Variants in CFAP77 observed in about 807,000 individuals in gnomAD.
The protein encoded by CFAP77 is cilia and flagella associated protein 77.
CFAP77 carries 25 observed loss-of-function variants against 31.1 expected under a neutral mutation model. The observed-to-expected ratio is 0.80, with a 90% confidence interval of 0.59 to 1.12. CFAP77 has a LOEUF of 1.12. Among genes scored for constraint, CFAP77 ranks in the 50% most tolerant of loss-of-function variants. The pLI, the probability that CFAP77 is intolerant of heterozygous loss-of-function variation, is 0.00. For synonymous variants in CFAP77, 151 were observed against 159.9 expected (o/e 0.94, Z 0.42); for missense variants, 377 against 397.3 (o/e 0.95, Z 0.44).
At position 132,573,116 on chromosome 9, in the gene CFAP77, C is replaced by T. The variant is rs1829985566; in HGVS notation, c.*606C>T. ...CAATCAAGCAGGCCAAGTTGGACTC[C>T]TCCCCCAGGACTGACTTTGGAAGGT... On this transcript the variant is annotated 3_prime_UTR_variant, in exon 6 of 6. Transcript: ENST00000393216. 1.3e-5 allele frequency: 2 copies of T among 152,342 alleles called. No individual in the cohort carries two copies. The highest frequency in any genetic ancestry group is 4.8e-5 in the African/African-American group (2 of 41,434). The allele number at this position is 152,342 out of a possible 1,614,324, so 9.4% of individuals were successfully genotyped here.
Position 132,572,449 on chromosome 9 carries a change from AC to A in CFAP77, c.796del (p.Arg266GlyfsTer31). 6.2e-7 allele frequency: 1 copy of A among 1,612,316 alleles called. No homozygotes were observed. On this transcript the variant is annotated frameshift_variant, in exon 6 of 6. Transcript: ENST00000393216. LOFTEE classifies it high-confidence loss of function. ...GATCGCCAGAGAGCATTAAAAGCCCACCGGGAAGAGTGTGCCGTGCGCCAGG... is the reference window on the plus strand; with the variant it reads ...GATCGCCAGAGAGCATTAAAAGCCCACGGGAAGAGTGTGCCGTGCGCCAGG... ...EADRQRALKA[H>X]REECAVRQGT...
chr9:132,546,553 C>T (rs1852734054), intron 5 of CFAP77, among the ~76,000 whole-genome samples: 1 of 152,368 alleles, frequency 6.6e-6, no homozygotes, highest in Admixed American at 6.5e-5. Flanking sequence ...GCGGCTGCTG[C>T]ACCGACACCG....
rs375930671 is a variant in CFAP77 at position 132,459,197 on chromosome 9, G to A, written c.196-39498G>A. 1.8e-4 allele frequency among the ~76,000 whole-genome samples: 28 copies of A among 151,576 alleles called. No individual in the cohort carries two copies. The East Asian group carries it at 2.1e-3, about 12-fold the overall frequency. ...TGCCATTCTCCTGCCTCAGCCTCCCGAGTAGCTGGGACTACAGGCGCCCGC... is the reference window on the plus strand; with the variant it reads ...TGCCATTCTCCTGCCTCAGCCTCCCAAGTAGCTGGGACTACAGGCGCCCGC... On this transcript the variant is annotated intron_variant, in intron 1 of 5. Coordinates refer to ENST00000393216, the MANE Select transcript of CFAP77 (RefSeq NM_001282957.2).
At chr9:132,534,818 G>A (rs1219743694) in intron 3 of CFAP77, among the ~76,000 whole-genome samples, 1 of 152,126 alleles carries the variant, frequency 6.6e-6, no homozygotes, top group Non-Finnish European at 1.5e-5. Flanking sequence ...TATAGAGAGT[G>A]CTGTATGATG....
intron 1 of CFAP77, among the ~76,000 whole-genome samples, chr9:132,422,528 T>G (rs971266414): frequency 1.3e-5 from 2 of 152,126 alleles, no homozygotes; most frequent in South Asian, 2.1e-4. Context: ...CGCGTTCACA[T>G]GAGCAATGGG....
chr9:132,532,049 C>T (rs563526298), intron 3 of CFAP77, among the ~76,000 whole-genome samples: 13 of 152,324 alleles, frequency 8.5e-5, no homozygotes, highest in Admixed American at 2.0e-4. Context: ...TTAGGCTGCT[C>T]AGAAGCATGG....
intron 1 of CFAP77, among the ~76,000 whole-genome samples, chr9:132,446,537 G>A (rs541513301): frequency 1.5e-4 from 23 of 151,940 alleles, no homozygotes; most frequent in East Asian, 1.9e-4. Flanking sequence ...TCAGGAGATC[G>A]AGACCATCCT....
chr9:132,417,586 C>T (rs1292635109), intron 1 of CFAP77, among the ~76,000 whole-genome samples: 1 of 152,204 alleles, frequency 6.6e-6, no homozygotes, highest in Admixed American at 6.5e-5. Flanking sequence ...CTGGCTCTGC[C>T]ACCCACGAGA....
Position 132,410,343 on chromosome 9 carries a change from G to T in CFAP77, c.72G>T (p.Thr24=), listed in dbSNP as rs1372224310. 2 of 1,597,572 alleles carry T rather than the reference G, an allele frequency of 1.3e-6. No individual in the cohort carries two copies. The highest frequency in any genetic ancestry group is 2.3e-5 in the East Asian group (1 of 43,380). ...WRKQQQPVRR[T]VSQVCPPPRR... ...AGCAGCAGCAGCCTGTGCGCCGCAC[G>T]GTCAGCCAGGTCTGCCCGCCCCCGC... The change falls in exon 1 of 6, where the codon ACG becomes ACT. Residue 24 remains threonine, a synonymous_variant. Coordinates refer to ENST00000393216, the MANE Select transcript of CFAP77 (RefSeq NM_001282957.2).
rs1852169129 is a variant in CFAP77, at chr9:132,517,536, C to T, written c.524+17936C>T. Among the ~76,000 whole-genome samples the T allele has an allele frequency of 6.6e-6, 1 of 152,246 alleles. No homozygotes were observed. The highest frequency in any genetic ancestry group is 1.5e-5 in the Non-Finnish European group (1 of 68,040). On this transcript the variant is annotated intron_variant, in intron 3 of 5. Coordinates refer to ENST00000393216, the MANE Select transcript of CFAP77 (RefSeq NM_001282957.2). The surrounding 1 kb of genome is among the most constrained non-coding windows in gnomAD (Gnocchi z 4.7). ...AGAGCCGTACTAAAATCCAGTTTGT[C>T]AGACCCAAGTCTCCCTTCTGAAACA...
intron 1 of CFAP77, among the ~76,000 whole-genome samples, chr9:132,438,541 A>ATTTTT (rs10641294): frequency 3.1e-4 from 33 of 108,104 alleles, no homozygotes; most frequent in Non-Finnish European, 4.3e-4. Flanking sequence ...ATATATATAT[A>ATTTTT]TTTTTTTTTT....
At chr9:132,518,127 A>T (rs970621669) in intron 3 of CFAP77, among the ~76,000 whole-genome samples, 4 of 152,088 alleles carry the variant, frequency 2.6e-5, no homozygotes, top group Admixed American at 2.6e-4. Context: ...GTCCACAGGC[A>T]AGCCCAAAGC....
chr9:132,462,328 G>T (rs1180134135), intron 1 of CFAP77, among the ~76,000 whole-genome samples: 2 of 152,174 alleles, frequency 1.3e-5, no homozygotes, highest in Non-Finnish European at 2.9e-5. Flanking sequence ...TGCTTGTTTT[G>T]TTTTTCCACG....
At chr9:132,428,174 GT>G (rs111938414) in intron 1 of CFAP77, among the ~76,000 whole-genome samples, 25,571 of 144,198 alleles carry the variant, frequency 0.18, 2,329 homozygotes, top group African/African-American at 0.26. Context: ...TAATTTTTAA[GT>G]TTTTTTTTTT....
rs73554991 is a variant in CFAP77 at position 132,463,137 on chromosome 9, G to A, written c.196-35558G>A. ...TGCCTGGGCGGGCTGGGAACGGATG[G>A]AAGGTGGCCACTCTCAGGTGCTGTG... On this transcript the variant is annotated intron_variant, in intron 1 of 5. Transcript: ENST00000393216. Among the ~76,000 whole-genome samples, 398 of 152,312 alleles carry A rather than the reference G, an allele frequency of 2.6e-3. 1 individual carries two copies. The highest frequency in any genetic ancestry group is 9.1e-3 in the African/African-American group (378 of 41,568).
intron 1 of CFAP77, among the ~76,000 whole-genome samples, chr9:132,483,829 C>G (rs1420028943): frequency 2.0e-5 from 3 of 152,134 alleles, no homozygotes; most frequent in African/African-American, 7.2e-5. Flanking sequence ...GCAGCAGTCA[C>G]TTTGTCTGCA....
intron 5 of CFAP77, among the ~76,000 whole-genome samples, chr9:132,550,509 T>G (rs1180564364): frequency 7.0e-6 from 1 of 143,672 alleles, no homozygotes; most frequent in Non-Finnish European, 1.5e-5. Flanking sequence ...CCTCAACATC[T>G]CCCTTGAAGC....
intron 1 of CFAP77, among the ~76,000 whole-genome samples, chr9:132,466,225 G>A (rs183691762): frequency 6.6e-6 from 1 of 152,286 alleles, no homozygotes; most frequent in East Asian, 1.9e-4. Context: ...ACAGACGTAA[G>A]CCTGGCTGAC....
intron 1 of CFAP77, among the ~76,000 whole-genome samples, chr9:132,412,826 T>A (rs969998006): frequency 6.6e-6 from 1 of 152,178 alleles, no homozygotes; most frequent in Non-Finnish European, 1.5e-5. Context: ...TGTGGAGCTT[T>A]AAGATTTTTT....
Sources: allele counts gnomAD v4.1 joint callset (sites outside exome capture counted in the v4.1 genomes callset), GRCh38; gene constraint gnomAD v4.1.1; non-coding constraint Gnocchi (gnomAD v3.1); transcripts MANE v1.5; gene names NCBI Gene and HGNC (gene_info 2026-07-23, HGNC 2026-07-21).